MERTK: variants seen among roughly 807,000 people sequenced by gnomAD.
The protein encoded by MERTK is tyrosine-protein kinase Mer.
A neutral mutation model predicts 99.3 loss-of-function variants in MERTK; 69 were observed. The ratio of observed to expected loss-of-function variants is 0.70; its 90% confidence interval spans 0.57 to 0.85. The LOEUF is 0.85. MERTK is among the 40% of genes least tolerant of loss of function. The pLI is 0.00. For missense variants in MERTK, 1,125 were observed against 1,249.4 expected, an observed-to-expected ratio of 0.90 and a Z score of 1.50; for synonymous variants, 426 against 467.6, an observed-to-expected ratio of 0.91 and a Z score of 1.15.
At chr2:111,942,632 T>C (rs892776169) in intron 2 of MERTK, among the ~76,000 whole-genome samples, 1 of 152,198 alleles carries the variant, frequency 6.6e-6, no homozygotes, top group Admixed American at 6.5e-5. Context: ...TGGCCTTTCC[T>C]TGATCCCTGG....
At chr2:112,014,532 C>A (rs1264861603) in intron 15 of MERTK, among the ~76,000 whole-genome samples, 7 of 107,994 alleles carry the variant, frequency 6.5e-5, no homozygotes, top group African/African-American at 2.1e-4. Context: ...TACAAGAGTG[C>A]ATTTTGTAGC....
intron 1 of MERTK, among the ~76,000 whole-genome samples, chr2:111,911,471 C>G (rs1320918787): frequency 6.6e-6 from 1 of 151,968 alleles, no homozygotes; most frequent in Non-Finnish European, 1.5e-5. Context: ...TCACTGCAAC[C>G]TCCGCCTCCT....
At chr2:111,907,297 C>T (rs756649251) in intron 1 of MERTK, among the ~76,000 whole-genome samples, 42 of 152,284 alleles carry the variant, frequency 2.8e-4, no homozygotes, top group Non-Finnish European at 5.4e-4. Flanking sequence ...GCCTGTAATC[C>T]CAGCAACTTG....
chr2:111,965,083 C>A, intron 4 of MERTK, 108 bp from the exon 5 acceptor site: 1 of 1,126,020 alleles, frequency 8.9e-7, no homozygotes, highest in Non-Finnish European at 1.3e-6. Flanking sequence ...CACTAATGCC[C>A]AAAAGCCATG....
intron 2 of MERTK, among the ~76,000 whole-genome samples, chr2:111,939,991 C>T (rs942043103): frequency 6.6e-6 from 1 of 152,094 alleles, no homozygotes; most frequent in African/African-American, 2.4e-5. Flanking sequence ...TCTGTCTAAT[C>T]AGGTTCCCTC....
rs201320082 is a variant in MERTK, at chr2:111,925,275, G to GATAT, written c.62-3830_62-3827dup. On this transcript the variant is annotated intron_variant, in intron 1 of 18. Transcript: ENST00000295408. ...CTGGTAAATCAAATTGTACAGATCAGATATATATATATATATATTTTTTTT... is the reference window on the plus strand; with the variant it reads ...CTGGTAAATCAAATTGTACAGATCAGATATATATATATATATATATATTTTTTTT... Among the ~76,000 whole-genome samples the GATAT allele has an allele frequency of 7.4e-3, 384 of 52,122 alleles. 35 individuals carry two copies. The highest frequency in any genetic ancestry group is 0.013 in the Middle Eastern group (1 of 76). 34.2% of individuals were successfully genotyped at this position (52,122 alleles called of 152,430 possible).
intron 11 of MERTK, 123 bp downstream of exon 11, chr2:112,001,409 C>A (rs1286081863): frequency 6.1e-6 from 5 of 821,474 alleles, no homozygotes; most frequent in Non-Finnish European, 1.0e-5. Flanking sequence ...TTTTAATGTA[C>A]AAAATGTCTT....
intron 1 of MERTK, among the ~76,000 whole-genome samples, chr2:111,920,272 T>A (rs931208769): frequency 1.3e-5 from 2 of 152,266 alleles, no homozygotes; most frequent in East Asian, 3.9e-4. Context: ...CACTTGGGCT[T>A]TTCTCCTCCT....
At chr2:111,989,947 A>G (rs1286627162) in intron 8 of MERTK, among the ~76,000 whole-genome samples, 1 of 152,172 alleles carries the variant, frequency 6.6e-6, no homozygotes, top group Non-Finnish European at 1.5e-5. Flanking sequence ...TGAAAAATGA[A>G]AACTCACTCA....
At chr2:111,978,228 C>T (rs1277208954) in intron 7 of MERTK, among the ~76,000 whole-genome samples, 2 of 151,856 alleles carry the variant, frequency 1.3e-5, no homozygotes, top group South Asian at 4.2e-4. Context: ...CAGCTCACCG[C>T]AACATCTGCC....
Position 112,016,037 on chromosome 2 carries a change from C to G in MERTK, c.2080-3376C>G, listed in dbSNP as rs781304886. 9.2e-5 allele frequency among the ~76,000 whole-genome samples: 14 copies of G among 152,316 alleles called. No individual in the cohort carries two copies. The South Asian group carries it at 1.2e-3, about 14-fold the overall frequency. On this transcript the variant is annotated intron_variant, in intron 15 of 18. Coordinates refer to ENST00000295408, the MANE Select transcript of MERTK (RefSeq NM_006343.3). ...TAAACTCTGTGCCCATCCTTTGCCC[C>G]TATCACATTGTCTTGATTACTGAAG...
chr2:111,964,368 CGTGT>C (rs200168355), intron 4 of MERTK, among the ~76,000 whole-genome samples: 127 of 141,276 alleles, frequency 9.0e-4, no homozygotes, highest in African/African-American at 2.9e-3. Context: ...ATCATTGTCT[CGTGT>C]GTGTGTGTGT....
chr2:112,009,059 GT>G (rs1677042938), intron 14 of MERTK, among the ~76,000 whole-genome samples: 1 of 152,188 alleles, frequency 6.6e-6, no homozygotes, highest in African/African-American at 2.4e-5. Flanking sequence ...AAGTGGCTCT[GT>G]CCCAAGAGAG....
In MERTK at chr2:111,991,563, T is replaced by TA. The variant is rs200607040; in HGVS notation, c.1297-2679dup. 3.9e-3 allele frequency among the ~76,000 whole-genome samples: 589 copies of TA among 150,520 alleles called. 3 individuals carry two copies. The highest frequency in any genetic ancestry group is 0.012 in the African/African-American group (489 of 40,926). ...TCTGAAAAAGGTATCACCAGAATAT[T>TA]AAAAAAAAAGGTTAATTATTAATTT... On this transcript the variant is annotated intron_variant, in intron 8 of 18. Transcript: ENST00000295408.
intron 15 of MERTK, among the ~76,000 whole-genome samples, chr2:112,014,442 G>T (rs1037030761): frequency 6.6e-6 from 1 of 152,146 alleles, no homozygotes; most frequent in East Asian, 1.9e-4. Flanking sequence ...GGGATGACAG[G>T]CGTGAGCCAC....
At chr2:111,974,881 A>G (rs1056126778) in intron 6 of MERTK, among the ~76,000 whole-genome samples, 2 of 152,084 alleles carry the variant, frequency 1.3e-5, no homozygotes, top group African/African-American at 4.8e-5. Flanking sequence ...AAGGCAAAAT[A>G]GTAAATATTT....
At chr2:111,958,287 G>A (rs1284003496) in intron 4 of MERTK, among the ~76,000 whole-genome samples, 1 of 152,120 alleles carries the variant, frequency 6.6e-6, no homozygotes, top group Admixed American at 6.6e-5. Context: ...TTCCAGTCTG[G>A]TAGTTACTGT....
intron 12 of MERTK, 123 bp from the exon 13 acceptor site, chr2:112,003,781 C>T: frequency 1.1e-6 from 1 of 872,980 alleles, no homozygotes; most frequent in Non-Finnish European, 1.9e-6. Flanking sequence ...GCAGGCTCTG[C>T]CTGGCTGCCC....
At chr2:112,028,254 T>C in intron 18 of MERTK, 97 bp from the exon 19 acceptor site, 2 of 1,334,408 alleles carry the variant, frequency 1.5e-6, no homozygotes, top group Non-Finnish European at 2.1e-6. Flanking sequence ...TGAATGCTGA[T>C]TAAAATGTGA....
Sources: gnomAD v4.1 joint callset for allele counts (sites outside exome capture counted in the v4.1 genomes callset) on GRCh38, gnomAD v4.1.1 for gene constraint, MANE v1.5 for transcripts, NCBI Gene and HGNC (gene_info 2026-07-23, HGNC 2026-07-21) for gene names.